Variants in ARHGEF4 observed in about 807,000 individuals in gnomAD.
ARHGEF4 encodes Rho guanine nucleotide exchange factor 4, also known as APC-stimulated guanine nucleotide exchange factor 1.
Under a neutral mutation model 162.0 loss-of-function variants are expected in ARHGEF4, and 119 were observed. The ratio of observed to expected loss-of-function variants is 0.73; its 90% confidence interval spans 0.63 to 0.86. The LOEUF is 0.86. ARHGEF4 is among the 40% of genes least tolerant of loss of function. ARHGEF4 has a pLI of 0.00. For missense variants in ARHGEF4, 2,488 were observed against 2,456.0 expected (o/e 1.01, Z -0.28); for synonymous variants, 1,014 against 979.9 (o/e 1.03, Z -0.65).
At chr2:130,953,805 T>C (rs113044860) in intron 4 of ARHGEF4, among the ~76,000 whole-genome samples, 2 of 152,258 alleles carry the variant, frequency 1.3e-5, no homozygotes, top group African/African-American at 2.4e-5. Context: ...TGAAAAAATG[T>C]TCATCATCAC....
intron 1 of ARHGEF4, among the ~76,000 whole-genome samples, chr2:130,912,290 C>T (rs530470190): frequency 2.6e-5 from 4 of 152,362 alleles, no homozygotes; most frequent in South Asian, 2.1e-4. Flanking sequence ...AGGCAGCGGC[C>T]GGAGACAGTT....
At chr2:130,899,619 A>G (rs1574188264) in intron 1 of ARHGEF4, among the ~76,000 whole-genome samples, 1 of 152,300 alleles carries the variant, frequency 6.6e-6, no homozygotes, top group South Asian at 2.1e-4. Context: ...TAAGCAGGTG[A>G]GAGGGAGCCT....
intron 1 of ARHGEF4, among the ~76,000 whole-genome samples, chr2:130,889,305 C>T (rs552955922): frequency 4.2e-4 from 64 of 152,008 alleles, no homozygotes; most frequent in African/African-American, 1.4e-3. Flanking sequence ...TCTTGTATTT[C>T]TCATCTGTGT....
rs371522704 is a variant in ARHGEF4 at position 130,878,657 on chromosome 2, A to G, written c.40-35329A>G. On this transcript the variant is annotated intron_variant, in intron 1 of 13. Transcript: ENST00000409359. The stretch of plus-strand genomic sequence containing the variant: ...TGTATTCTTGGCTTTCCCAGCACAT[A>G]TGTGCAGGGATACTCAGGGCCACGG... 3.9e-3 allele frequency among the ~76,000 whole-genome samples: 587 copies of G among 152,318 alleles called. 8 individuals are homozygous for G. The highest frequency in any genetic ancestry group is 0.013 in the African/African-American group (547 of 41,558).
intron 4 of ARHGEF4, among the ~76,000 whole-genome samples, chr2:131,003,126 G>A (rs1036119070): frequency 3.9e-5 from 6 of 152,122 alleles, no homozygotes; most frequent in African/African-American, 1.2e-4. Flanking sequence ...TGACCTTGAC[G>A]ATGGGGCATT....
chr2:130,971,662 A>G (rs1685381446), intron 4 of ARHGEF4, among the ~76,000 whole-genome samples: 1 of 151,638 alleles, frequency 6.6e-6, no homozygotes, highest in African/African-American at 2.4e-5. Context: ...TCTCAAAAAA[A>G]AAAAAAAAAA....
chr2:131,045,661 G>A, intron 13 of ARHGEF4: 1 of 1,503,376 alleles, frequency 6.7e-7, no homozygotes, highest in South Asian at 1.4e-5. Context: ...CAACACCTTG[G>A]CTCCCCCAGA....
intron 3 of ARHGEF4, among the ~76,000 whole-genome samples, chr2:130,936,685 C>G (rs2105120173): frequency 6.6e-6 from 1 of 152,188 alleles, no homozygotes; most frequent in South Asian, 2.1e-4. Context: ...AATTACTTCT[C>G]TATTGCTGAT....
chr2:130,888,138 T>G (rs1013922406), intron 1 of ARHGEF4, among the ~76,000 whole-genome samples: 3 of 152,160 alleles, frequency 2.0e-5, no homozygotes, highest in African/African-American at 7.3e-5. Context: ...TTTACTTGGT[T>G]TGGCTTTATT....
At chr2:131,037,528 GA>G (rs1194364444) in intron 5 of ARHGEF4, among the ~76,000 whole-genome samples, 1 of 151,970 alleles carries the variant, frequency 6.6e-6, no homozygotes, top group African/African-American at 2.4e-5. Context: ...TCCCATCCTT[GA>G]CCGCCCCCAC....
chr2:130,917,826 T>C (rs1230672463), intron 2 of ARHGEF4, among the ~76,000 whole-genome samples: 1 of 1,606 alleles, frequency 6.2e-4, no homozygotes, highest in African/African-American at 3.5e-3. Context: ...TTTTTTTCTT[T>C]TTTTTTTTTT....
At chr2:130,991,808 A>AC (rs1297022200) in intron 4 of ARHGEF4, among the ~76,000 whole-genome samples, 5 of 152,162 alleles carry the variant, frequency 3.3e-5, no homozygotes, top group African/African-American at 1.2e-4. Flanking sequence ...CCCATCGACC[A>AC]CCCAAGGGCT....
At chr2:131,000,530 G>A (rs1198239167) in intron 4 of ARHGEF4, among the ~76,000 whole-genome samples, 1 of 152,136 alleles carries the variant, frequency 6.6e-6, no homozygotes, top group East Asian at 1.9e-4. Context: ...AAAGATTGAT[G>A]GCCTTCTGTA....
chr2:130,973,763 C>T (rs1685513930), intron 4 of ARHGEF4, among the ~76,000 whole-genome samples: 1 of 152,182 alleles, frequency 6.6e-6, no homozygotes, highest in Non-Finnish European at 1.5e-5. Flanking sequence ...AGTAACATAT[C>T]CAACATTACA....
intron 1 of ARHGEF4, among the ~76,000 whole-genome samples, chr2:130,883,461 A>G (rs1364477664): frequency 6.6e-6 from 1 of 152,104 alleles, no homozygotes; most frequent in South Asian, 2.1e-4. Flanking sequence ...CAACTCAAAA[A>G]CAGATCGACT....
intron 5 of ARHGEF4, among the ~76,000 whole-genome samples, chr2:131,030,927 G>A (rs1689810328): frequency 6.6e-6 from 1 of 152,242 alleles, no homozygotes; most frequent in Admixed American, 6.5e-5. Flanking sequence ...CAGTTCCCGG[G>A]CCTTCAGGGC....
intron 1 of ARHGEF4, among the ~76,000 whole-genome samples, chr2:130,895,863 C>T (rs1176390169): frequency 1.3e-5 from 2 of 151,866 alleles, no homozygotes; most frequent in Non-Finnish European, 2.9e-5. Context: ...TCACTTTTTT[C>T]TTTTATGGTT....
At position 130,884,950 on chromosome 2, in the gene ARHGEF4, G is replaced by A. The variant is rs896679908; in HGVS notation, c.40-29036G>A. ...TCATCAATAAATGAAGACAAAATCT[G>A]TTACCTTACAGGGCTATAGGAGAGA... On this transcript the variant is annotated intron_variant, in intron 1 of 13. Coordinates refer to ENST00000409359, the MANE Select transcript of ARHGEF4 (RefSeq NM_001367493.1). 2.6e-5 allele frequency among the ~76,000 whole-genome samples: 4 copies of A among 152,092 alleles called. No homozygotes were observed. The East Asian group carries it at 5.8e-4, about 22-fold the overall frequency.
chr2:130,917,559 C>T, intron 2 of ARHGEF4, 61 bp downstream of exon 2: 1 of 1,479,716 alleles, frequency 6.8e-7, no homozygotes, highest in Non-Finnish European at 9.0e-7. Context: ...AGGAGGGGAG[C>T]AGGCGGGAAT....
Sources: gnomAD v4.1 joint callset for allele counts (sites outside exome capture counted in the v4.1 genomes callset) on GRCh38, gnomAD v4.1.1 for gene constraint, MANE v1.5 for transcripts, NCBI Gene and HGNC (gene_info 2026-07-23, HGNC 2026-07-21) for gene names.